EPS15L1: variants seen among roughly 807,000 people sequenced by gnomAD.
The protein encoded by EPS15L1 is epidermal growth factor receptor pathway substrate 15 like 1.
EPS15L1 carries 43 observed loss-of-function variants against 117.1 expected under a neutral mutation model. The observed-to-expected ratio is 0.37, with a 90% CI of 0.29 to 0.47. EPS15L1 has a LOEUF of 0.47. EPS15L1 is among the 20% of genes least tolerant of loss of function. The pLI is 0.99. For missense variants in EPS15L1, 981 were observed against 1,164.0 expected, an observed-to-expected ratio of 0.84 and a Z score of 2.29; for synonymous variants, 459 against 470.5, an observed-to-expected ratio of 0.98 and a Z score of 0.32.
chr19:16,464,904 C>T (rs1012499667), intron 1 of EPS15L1, among the ~76,000 whole-genome samples: 2 of 151,952 alleles, frequency 1.3e-5, no homozygotes, highest in South Asian at 2.1e-4. Context: ...CCAGTGAAAC[C>T]CCGTCTCTAC....
At chr19:16,423,136 C>G (rs530385825) in intron 9 of EPS15L1, among the ~76,000 whole-genome samples, 2 of 152,224 alleles carry the variant, frequency 1.3e-5, no homozygotes, top group South Asian at 2.1e-4. Context: ...GCTCCTGATA[C>G]CAACTCAGGG....
chr19:16,395,115 A>C (rs1599573583), intron 17 of EPS15L1, among the ~76,000 whole-genome samples: 1 of 151,638 alleles, frequency 6.6e-6, no homozygotes, highest in East Asian at 1.9e-4. Context: ...GAATTGCTTG[A>C]ACCCAGGAGG....
At chr19:16,448,166 T>C (rs1230042129) in intron 1 of EPS15L1, among the ~76,000 whole-genome samples, 2 of 152,180 alleles carry the variant, frequency 1.3e-5, no homozygotes, top group African/African-American at 4.8e-5. Context: ...AAAGAGTTCT[T>C]AGACTTGACA....
chr19:16,411,970 A>T (rs183125882), intron 13 of EPS15L1, among the ~76,000 whole-genome samples: 64 of 152,340 alleles, frequency 4.2e-4, no homozygotes, highest in African/African-American at 1.5e-3. Flanking sequence ...AAGTGCTGGG[A>T]TTACAGGTGT....
At chr19:16,401,466 AGG>A (rs2092601200) in intron 16 of EPS15L1, 1 of 985,632 alleles carries the variant, frequency 1.0e-6, no homozygotes, top group African/African-American at 1.7e-5. Flanking sequence ...CCTGGGAGAG[AGG>A]GTGGCAGCAC....
intron 7 of EPS15L1, among the ~76,000 whole-genome samples, chr19:16,433,272 C>T (rs376041404): frequency 2.6e-5 from 4 of 152,002 alleles, no homozygotes; most frequent in Non-Finnish European, 4.4e-5. Context: ...GGATTACAGG[C>T]GAACACCACC....
At chr19:16,442,253 G>A (rs754588729) in intron 1 of EPS15L1, 34 bp from the exon 2 acceptor site, 38 of 1,596,170 alleles carry the variant, frequency 2.4e-5, no homozygotes, top group Non-Finnish European at 3.0e-5. Context: ...GGTCAAAAGT[G>A]AACACAACCC....
chr19:16,380,460 T>C (rs539874658), intron 21 of EPS15L1, among the ~76,000 whole-genome samples: 1 of 151,910 alleles, frequency 6.6e-6, no homozygotes, highest in East Asian at 1.9e-4. Flanking sequence ...TCTAAGGCTC[T>C]AGTGTCTAGT....
intron 16 of EPS15L1, among the ~76,000 whole-genome samples, chr19:16,400,336 C>CAGAA (rs2092586017): frequency 1.6e-5 from 1 of 60,684 alleles, no homozygotes; most frequent in African/African-American, 6.2e-5. Flanking sequence ...GACTCCGTCT[C>CAGAA]AAAAAAAAAA....
intron 22 of EPS15L1, among the ~76,000 whole-genome samples, chr19:16,375,374 G>A (rs778036780): frequency 5.9e-5 from 9 of 151,984 alleles, no homozygotes; most frequent in East Asian, 5.8e-4. Context: ...ACACGTGTAC[G>A]TGCACATACA....
chr19:16,385,104 CG>C, intron 21 of EPS15L1, 24 bp downstream of exon 21: 1 of 1,599,884 alleles, frequency 6.3e-7, no homozygotes, highest in Non-Finnish European at 8.6e-7. Flanking sequence ...AGCAGAGGCG[CG>C]GGGGCTCCGT....
At position 16,391,856 on chromosome 19, in the gene EPS15L1, G is replaced by A. The variant is rs187404130; in HGVS notation, c.2103+448C>T. 5.5e-4 allele frequency among the ~76,000 whole-genome samples: 84 copies of A among 152,174 alleles called. 1 individual carries two copies. The highest frequency in any genetic ancestry group is 3.4e-3 in the Middle Eastern group (1 of 294). Reference sequence around the variant, plus strand: ...GCCGTGACGGGAGCACCTACCAAACGTGACTCTAAGGTCCCCACCAGTGCT... The same window carrying A: ...GCCGTGACGGGAGCACCTACCAAACATGACTCTAAGGTCCCCACCAGTGCT... On this transcript the variant is annotated intron_variant, in intron 19 of 23. Coordinates refer to ENST00000455140, the MANE Select transcript of EPS15L1 (RefSeq NM_001258374.3).
chr19:16,447,022 C>T (rs1459846393), intron 1 of EPS15L1, among the ~76,000 whole-genome samples: 3 of 152,202 alleles, frequency 2.0e-5, no homozygotes, highest in Non-Finnish European at 4.4e-5. Context: ...CGGAGTAGAG[C>T]TTGCTTGATA....
chr19:16,404,900 G>A lies in EPS15L1; in HGVS notation c.1267-151C>T, dbSNP rs2092640980. 1.1e-5 allele frequency: 9 copies of A among 812,404 alleles called. No individual in the cohort carries two copies. The highest frequency in any genetic ancestry group is 5.4e-5 in the East Asian group (2 of 37,062). The allele number at this position is 812,404 out of a possible 1,614,324, so 50.3% of individuals were successfully genotyped here. A position where few individuals can be genotyped will look rare whatever the true frequency, so the allele number is the denominator to read the frequency against. On this transcript the variant is annotated intron_variant, in intron 13 of 23. Coordinates refer to ENST00000455140, the MANE Select transcript of EPS15L1 (RefSeq NM_001258374.3). This position sits in a 1 kb window ranked among gnomAD's most constrained non-coding sequence, Gnocchi z 4.2. ...GGGCCAGCATTCCGTGCACACCCAC[G>A]GCCAATGTGTGCCTCTTGGGCTGGA...
intron 9 of EPS15L1, among the ~76,000 whole-genome samples, chr19:16,423,396 T>C (rs4545941): frequency 0.13 from 19,135 of 151,896 alleles, 1,520 homozygotes; most frequent in Middle Eastern, 0.19. Context: ...CAAGACCCCA[T>C]CTCTACAAAA....
intron 21 of EPS15L1, among the ~76,000 whole-genome samples, chr19:16,380,738 G>C (rs2034892): frequency 1.3e-5 from 2 of 152,060 alleles, no homozygotes; most frequent in East Asian, 3.9e-4. Context: ...CGACTCTCTA[G>C]GTCTCTACAA....
intron 5 of EPS15L1, 49 bp from the exon 6 acceptor site, chr19:16,437,048 A>C: frequency 1.3e-6 from 2 of 1,544,346 alleles, no homozygotes; most frequent in South Asian, 2.2e-5. Context: ...GAATTAAATC[A>C]TAGGTGGGTG....
rs993857245 is a variant in EPS15L1 at position 16,361,654 on chromosome 19, AGAGAGT to A, written c.2586+119_2586+124del. On this transcript the variant is annotated intron_variant, in intron 23 of 23. Transcript: ENST00000455140. ...GTGTAGAATAAATAACGCGAGGGACAGAGAGTGTGAGGTACCAAGAGGCTAAAGAAG... is the reference window on the plus strand; with the variant it reads ...GTGTAGAATAAATAACGCGAGGGACAGTGAGGTACCAAGAGGCTAAAGAAG... The A allele has an allele frequency of 3.5e-5, 50 of 1,431,470 alleles. 1 individual carries two copies. The highest frequency in any genetic ancestry group is 1.5e-4 in the Admixed American group (5 of 32,458). The allele number at this position is 1,431,470 out of a possible 1,614,324, so 88.7% of individuals were successfully genotyped here.
At chr19:16,440,148 T>C (rs2145066378) in intron 4 of EPS15L1, among the ~76,000 whole-genome samples, 1 of 151,324 alleles carries the variant, frequency 6.6e-6, no homozygotes, top group South Asian at 2.1e-4. Context: ...ATAACACCAA[T>C]GTGGCTGGGC....
Sources: allele counts gnomAD v4.1 joint callset (sites outside exome capture counted in the v4.1 genomes callset), GRCh38; gene constraint gnomAD v4.1.1; non-coding constraint Gnocchi (gnomAD v3.1); transcripts MANE v1.5; gene names NCBI Gene and HGNC (gene_info 2026-07-23, HGNC 2026-07-21).